KCNK10: variants seen among roughly 807,000 people sequenced by gnomAD.
KCNK10 encodes the protein potassium two pore domain channel subfamily K member 10, also known as potassium channel subfamily K member 10.
In KCNK10, 25 loss-of-function variants were observed where a neutral mutation model predicts 47.7. The observed-to-expected ratio is 0.52, with a 90% CI of 0.38 to 0.73. The LOEUF (loss-of-function observed/expected upper bound fraction) is 0.73. KCNK10 is among the 30% of genes least tolerant of loss of function. The pLI is 0.00. For synonymous variants in KCNK10, 303 were observed against 285.6 expected (o/e 1.06, Z -0.61); for missense variants, 563 against 714.5 (o/e 0.79, Z 2.42).
At chr14:88,247,103 T>A (rs1012844675) in intron 2 of KCNK10, among the ~76,000 whole-genome samples, 4 of 152,116 alleles carry the variant, frequency 2.6e-5, no homozygotes, top group Non-Finnish European at 5.9e-5. Flanking sequence ...CTCTTAGAAT[T>A]GTCAACAGGA....
chr14:88,268,935 C>T (rs1443750965), intron 1 of KCNK10, among the ~76,000 whole-genome samples: 1 of 152,140 alleles, frequency 6.6e-6, no homozygotes, highest in Non-Finnish European at 1.5e-5. Flanking sequence ...GCTGGGAGTT[C>T]GAGACCAACC....
intron 5 of KCNK10, among the ~76,000 whole-genome samples, chr14:88,189,964 G>T (rs1446015807): frequency 6.6e-6 from 1 of 152,084 alleles, no homozygotes; most frequent in Non-Finnish European, 1.5e-5. Flanking sequence ...AAGAGACCGT[G>T]GTCTACAGAA....
chr14:88,245,670 G>A lies in KCNK10; in HGVS notation c.403-4850C>T, dbSNP rs527670668. On this transcript the variant is annotated intron_variant, in intron 2 of 6. Coordinates refer to ENST00000319231, the MANE Select transcript of KCNK10 (RefSeq NM_138317.3). ...ATCATCTGTTTCTCTGTTTCCTTAT[G>A]TGCCACCAAAAAGAAAGACAAACAA... Among the ~76,000 whole-genome samples, 4 of 152,122 alleles carry A rather than the reference G, an allele frequency of 2.6e-5. No homozygotes were observed. The East Asian group carries it at 7.7e-4, about 29-fold the overall frequency.
chr14:88,194,887 C>G (rs1884862263), intron 4 of KCNK10, among the ~76,000 whole-genome samples: 1 of 152,100 alleles, frequency 6.6e-6, no homozygotes, highest in Non-Finnish European at 1.5e-5. Context: ...AAATGCGCGT[C>G]TTGCATGTGT....
chr14:88,274,483 G>C (rs1887481246), intron 1 of KCNK10, among the ~76,000 whole-genome samples: 1 of 138,200 alleles, frequency 7.2e-6, no homozygotes, highest in Non-Finnish European at 1.5e-5. Context: ...ATTGGGAGGA[G>C]GAGGTTGCAG....
chr14:88,283,154 T>C (rs1469699873), intron 1 of KCNK10, among the ~76,000 whole-genome samples: 3 of 152,198 alleles, frequency 2.0e-5, no homozygotes, highest in Admixed American at 1.3e-4. Flanking sequence ...TAAATCACTT[T>C]CCATCAGGAA....
At chr14:88,196,492 G>A (rs2139832766) in intron 4 of KCNK10, among the ~76,000 whole-genome samples, 1 of 152,162 alleles carries the variant, frequency 6.6e-6, no homozygotes, top group South Asian at 2.1e-4. Context: ...ATTCATTTGT[G>A]GGCTATTTTT....
At chr14:88,232,224 A>G (rs1436938125) in intron 3 of KCNK10, among the ~76,000 whole-genome samples, 3 of 152,248 alleles carry the variant, frequency 2.0e-5, no homozygotes, top group Non-Finnish European at 4.4e-5. Flanking sequence ...CCATCAAAGA[A>G]TACACTTTTC....
intron 1 of KCNK10, among the ~76,000 whole-genome samples, chr14:88,321,026 C>T (rs770429187): frequency 6.6e-6 from 1 of 152,284 alleles, no homozygotes; most frequent in African/African-American, 2.4e-5. Context: ...GGCATACTTC[C>T]GTATTTCCAG....
intron 1 of KCNK10, among the ~76,000 whole-genome samples, chr14:88,290,996 C>A (rs1257020630): frequency 6.6e-6 from 1 of 152,200 alleles, no homozygotes; most frequent in Non-Finnish European, 1.5e-5. Flanking sequence ...CCCACTAGGG[C>A]AGCCTGACAG....
intron 2 of KCNK10, among the ~76,000 whole-genome samples, chr14:88,255,872 TA>T (rs112752583): frequency 0.016 from 2,416 of 151,662 alleles, 60 homozygotes; most frequent in African/African-American, 0.056. Flanking sequence ...AAAAAAGGAA[TA>T]AAAAAAAGTA....
At position 88,185,617 on chromosome 14, in the gene KCNK10, G is replaced by A; in HGVS notation, c.1550C>T (p.Ala517Val). 1.2e-5 allele frequency: 19 copies of A among 1,614,144 alleles called. No homozygotes were observed. Among genetic ancestry groups the A allele is most frequent in the Non-Finnish European group, 1.5e-5 (18 of 1,180,012 alleles). The change falls in exon 7 of 7, where the codon GCT (alanine) becomes GTT (valine). Residue 517 changes from alanine to valine, a missense_variant. Transcript: ENST00000319231. This position sits in a 1 kb window ranked among gnomAD's most constrained non-coding sequence, Gnocchi z 4.3. ...GGGTATCATTCCGTTCTCCAACTCAGCGTGCTGCTGGATACAGTCCGTCAG... is the reference window on the plus strand; with the variant it reads ...GGGTATCATTCCGTTCTCCAACTCAACGTGCTGCTGGATACAGTCCGTCAG... ...AMLTDCIQQH[A>V]ELENGMIPTD...
chr14:88,251,521 G>A (rs1229994367), intron 2 of KCNK10, among the ~76,000 whole-genome samples: 3 of 152,118 alleles, frequency 2.0e-5, no homozygotes, highest in Non-Finnish European at 4.4e-5. Flanking sequence ...GCACCACTGA[G>A]GACAATTGAG....
chr14:88,323,226 T>C lies in KCNK10; in HGVS notation c.-428A>G. 1 of 1,012,664 alleles carries C rather than the reference T, an allele frequency of 9.9e-7. No homozygotes were observed. Among genetic ancestry groups the C allele is most frequent in the Non-Finnish European group, 1.2e-6 (1 of 846,470 alleles). The allele number at this position is 1,012,664 out of a possible 1,614,324, so 62.7% of individuals were successfully genotyped here. Reference sequence around the variant, plus strand: ...CCCCCGAAGGCGTGTGCGCACACACTCCCGCACACACACACCCGCACACAC... The same window carrying C: ...CCCCCGAAGGCGTGTGCGCACACACCCCCGCACACACACACCCGCACACAC... On this transcript the variant is annotated 5_prime_UTR_variant, in exon 1 of 7. Coordinates refer to ENST00000319231, the MANE Select transcript of KCNK10 (RefSeq NM_138317.3).
At chr14:88,205,624 A>C (rs2139844328) in intron 4 of KCNK10, among the ~76,000 whole-genome samples, 1 of 143,208 alleles carries the variant, frequency 7.0e-6, no homozygotes, top group South Asian at 2.2e-4. Context: ...GGCTCACTGC[A>C]ACCTCTGCCT....
chr14:88,309,430 C>T (rs8017308), intron 1 of KCNK10, among the ~76,000 whole-genome samples: 28,810 of 151,870 alleles, frequency 0.19, 2,992 homozygotes, highest in East Asian at 0.25. Flanking sequence ...GGCAAAATCC[C>T]GTCTCTACAA....
At position 88,227,650 on chromosome 14, in the gene KCNK10, G is replaced by A. The variant is rs915911268; in HGVS notation, c.521-115C>T. ...TCCCCCACCTTATGAGCTTCAGGGA[G>A]TAGAACTTCATTTCAAAGGCCCTCT... On this transcript the variant is annotated intron_variant, in intron 3 of 6. Coordinates refer to ENST00000319231, the MANE Select transcript of KCNK10 (RefSeq NM_138317.3). 5 of 847,280 alleles carry A rather than the reference G, an allele frequency of 5.9e-6. No individual in the cohort carries two copies. In the East Asian group the frequency reaches 1.3e-4, roughly 22 times the overall value. The allele number at this position is 847,280 out of a possible 1,614,324, so 52.5% of individuals were successfully genotyped here. A position where few individuals can be genotyped will look rare whatever the true frequency, so the allele number is the denominator to read the frequency against.
intron 1 of KCNK10, among the ~76,000 whole-genome samples, chr14:88,285,361 C>T (rs765223866): frequency 1.3e-5 from 2 of 152,242 alleles, no homozygotes; most frequent in Non-Finnish European, 2.9e-5. Context: ...ATCCGCCCAC[C>T]TCAGCCTCCC....
intron 2 of KCNK10, among the ~76,000 whole-genome samples, chr14:88,245,355 T>G (rs1886602152): frequency 6.6e-6 from 1 of 152,152 alleles, no homozygotes; most frequent in Non-Finnish European, 1.5e-5. Flanking sequence ...GCATTAGGAC[T>G]ACCTGACAGG....
Sources: gnomAD v4.1 joint callset for allele counts (sites outside exome capture counted in the v4.1 genomes callset) on GRCh38, gnomAD v4.1.1 for gene constraint, Gnocchi (gnomAD v3.1) non-coding constraint, MANE v1.5 for transcripts, NCBI Gene and HGNC (gene_info 2026-07-23, HGNC 2026-07-21) for gene names.